Variants in CHD6 observed in about 807,000 individuals in gnomAD.
CHD6 encodes the protein chromodomain helicase DNA binding protein 6, also known as ATP-dependent chromatin remodeler CHD6.
Under a neutral mutation model 276.9 loss-of-function variants are expected in CHD6, and 50 were observed. The observed-to-expected ratio is 0.18, with a 90% confidence interval of 0.14 to 0.23. The LOEUF is 0.23. Ranked by LOEUF, CHD6 falls within the 10% of genes least tolerant of loss-of-function variation. The probability of loss-of-function intolerance (pLI) is 1.00; values close to 1 mark genes in which losing one functional copy is unlikely to be tolerated. For missense variants in CHD6, 2,564 were observed against 3,365.8 expected (o/e 0.76, Z 5.89); for synonymous variants, 1,173 against 1,229.3 (o/e 0.95, Z 0.96).
chr20:41,493,955 C>G lies in CHD6; in HGVS notation c.1093-11G>C. The G allele has an allele frequency of 6.2e-7, 1 of 1,605,910 alleles. No individual in the cohort carries two copies. On this transcript the variant is annotated splice_polypyrimidine_tract_variant and intron_variant, in intron 8 of 36. Coordinates refer to ENST00000373233, the MANE Select transcript of CHD6 (RefSeq NM_032221.5). ...CAAGTCTTCATCAGGCTAACACAAA[C>G]AGAGGAGAACAGTTAGGAAGTATGT...
At chr20:41,579,207 T>G (rs1300567548) in intron 1 of CHD6, among the ~76,000 whole-genome samples, 6 of 138,004 alleles carry the variant, frequency 4.3e-5, no homozygotes, top group Non-Finnish European at 6.1e-5. Context: ...GACGCCGAGG[T>G]GGGCTGATCA....
intron 1 of CHD6, among the ~76,000 whole-genome samples, chr20:41,561,680 C>T (rs946403659): frequency 6.6e-6 from 1 of 152,198 alleles, no homozygotes; most frequent in Admixed American, 6.5e-5. Context: ...TTAAGACCTT[C>T]ATGTCTGAAA....
chr20:41,429,648 CAG>C (rs2047472760), intron 27 of CHD6, among the ~76,000 whole-genome samples: 1 of 152,124 alleles, frequency 6.6e-6, no homozygotes, highest in Non-Finnish European at 1.5e-5. Context: ...AAAATTCTAT[CAG>C]AGAGGGGAAA....
chr20:41,507,540 A>G (rs1259608274), intron 5 of CHD6, among the ~76,000 whole-genome samples: 1 of 152,206 alleles, frequency 6.6e-6, no homozygotes, highest in African/African-American at 2.4e-5. Context: ...CGAAGTAGGA[A>G]GGGAGCTGGA....
At chr20:41,592,538 C>A (rs1170303246) in intron 1 of CHD6, among the ~76,000 whole-genome samples, 1 of 152,184 alleles carries the variant, frequency 6.6e-6, no homozygotes, top group African/African-American at 2.4e-5. Flanking sequence ...AACAATGACA[C>A]AATAGTAGTA....
At position 41,425,349 on chromosome 20, in the gene CHD6, G is replaced by C; in HGVS notation, c.4175C>G (p.Ser1392Cys). Residue 1392 changes from serine to cysteine, a missense_variant, in exon 29 of 37, where the codon TCC (serine) becomes TGC (cysteine). Transcript: ENST00000373233. Reference protein sequence around the residue: ...DPDKSPWPVSSALTARLRRLV... With the variant: ...DPDKSPWPVSCALTARLRRLV... ...ACGTCTGAGACGAGCTGTGAGGGCG[G>C]AGGAAACTGGCCAGGGCGATTTGTC... 6.2e-7 allele frequency: 1 copy of C among 1,614,202 alleles called. No homozygotes were observed. The highest frequency in any genetic ancestry group is 8.5e-7 in the Non-Finnish European group (1 of 1,180,030).
chr20:41,458,993 C>G (rs114541828), intron 17 of CHD6, among the ~76,000 whole-genome samples: 1 of 152,096 alleles, frequency 6.6e-6, no homozygotes, highest in Non-Finnish European at 1.5e-5. Context: ...GCTCCTGCCC[C>G]GTGATCTTGA....
At position 41,549,154 on chromosome 20, in the gene CHD6, A is replaced by G. The variant is rs941088641; in HGVS notation, c.33+2151T>C. On this transcript the variant is annotated intron_variant, in intron 2 of 36. Transcript: ENST00000373233. ...CATCCCATTACTGGGTATATACCCA[A>G]AGGATTATAAATCATGCTGCTATAA... Among the ~76,000 whole-genome samples, 1,059 of 151,902 alleles carry G rather than the reference A, an allele frequency of 7.0e-3. 13 individuals are homozygous for G. The highest frequency in any genetic ancestry group is 0.024 in the African/African-American group (999 of 41,446).
At chr20:41,484,744 G>A (rs2043372325) in intron 14 of CHD6, 137 bp from the exon 15 acceptor site, 2 of 884,294 alleles carry the variant, frequency 2.3e-6, no homozygotes, top group Middle Eastern at 2.3e-4. Context: ...GATTATGATC[G>A]ACCCCTGAAA....
chr20:41,410,989 G>C (rs1038246921), intron 36 of CHD6, among the ~76,000 whole-genome samples: 6 of 152,126 alleles, frequency 3.9e-5, no homozygotes, highest in African/African-American at 1.4e-4. Context: ...AAACAAAGGT[G>C]AACTAGCTCG....
chr20:41,504,239 C>T lies in CHD6; in HGVS notation c.853-4882G>A, dbSNP rs540649292. On this transcript the variant is annotated intron_variant, in intron 5 of 36. Transcript: ENST00000373233. ...CATTGATCTGTCTTCATAGTCACTC[C>T]TCTTCTGCTGCATCTAATCTACTTA... Among the ~76,000 whole-genome samples, 14 of 151,810 alleles carry T rather than the reference C, an allele frequency of 9.2e-5. 3 individuals carry two copies. The highest frequency in any genetic ancestry group is 3.4e-4 in the African/African-American group (14 of 41,372).
intron 16 of CHD6, among the ~76,000 whole-genome samples, chr20:41,479,473 A>C (rs370268883): frequency 1.3e-5 from 2 of 152,196 alleles, no homozygotes; most frequent in East Asian, 3.8e-4. Flanking sequence ...AGAACTTTTC[A>C]TAAGAAACCA....
chr20:41,510,302 A>G (rs1209446220), intron 5 of CHD6, among the ~76,000 whole-genome samples: 12 of 152,146 alleles, frequency 7.9e-5, no homozygotes, highest in African/African-American at 2.7e-4. Flanking sequence ...CAGTATGTAA[A>G]AACAGTTTTA....
chr20:41,498,779 GTGTATGTA>G lies in CHD6; in HGVS notation c.915+508_915+515del, dbSNP rs755113036. Among the ~76,000 whole-genome samples the G allele has an allele frequency of 7.6e-3, 1,107 of 145,698 alleles. 7 individuals are homozygous for G. Among genetic ancestry groups the G allele is most frequent in the Non-Finnish European group, 8.9e-3 (593 of 66,496 alleles). ...TTAGGACTCATATGGGTGTGTATGT[GTGTATGTA>G]TGTATGTATGTATGTATGTATGTAT... On this transcript the variant is annotated intron_variant, in intron 6 of 36. Transcript: ENST00000373233.
chr20:41,558,122 G>A (rs1406220416), intron 1 of CHD6, among the ~76,000 whole-genome samples: 1 of 152,140 alleles, frequency 6.6e-6, no homozygotes, highest in East Asian at 1.9e-4. Flanking sequence ...AGTCCAGTGG[G>A]TAAGAAATCC....
chr20:41,412,399 AG>A, intron 35 of CHD6, 136 bp from the exon 36 acceptor site: 1 of 947,188 alleles, frequency 1.1e-6, no homozygotes, highest in Non-Finnish European at 1.6e-6. Flanking sequence ...GTTAAACTAA[AG>A]GAAATAGCCA....
rs758587947 is a variant in CHD6 at position 41,420,469 on chromosome 20, T to C, written c.6127+39A>G. ...ACCCAACCCCCCGTCGTGTGTGAACTAGTTTATCCAAAATGCCACAAGATC... is the reference window on the plus strand; with the variant it reads ...ACCCAACCCCCCGTCGTGTGTGAACCAGTTTATCCAAAATGCCACAAGATC... On this transcript the variant is annotated intron_variant, in intron 31 of 36. Transcript: ENST00000373233. The C allele has an allele frequency of 9.0e-6, 14 of 1,558,920 alleles. No individual in the cohort carries two copies. The Admixed American group carries it at 2.5e-4, about 27-fold the overall frequency.
chr20:41,465,974 G>A (rs1372746987), intron 17 of CHD6, among the ~76,000 whole-genome samples: 3 of 152,182 alleles, frequency 2.0e-5, no homozygotes, highest in African/African-American at 7.2e-5. Flanking sequence ...GGAGGCTGAG[G>A]TGGGTGGATC....
chr20:41,557,539 C>T (rs2045254490), intron 1 of CHD6, among the ~76,000 whole-genome samples: 1 of 152,082 alleles, frequency 6.6e-6, no homozygotes, highest in Non-Finnish European at 1.5e-5. Flanking sequence ...ATCAGGTTCA[C>T]CCTATTCAAC....
Sources: allele counts gnomAD v4.1 joint callset (sites outside exome capture counted in the v4.1 genomes callset), GRCh38; gene constraint gnomAD v4.1.1; transcripts MANE v1.5; gene names NCBI Gene and HGNC (gene_info 2026-07-23, HGNC 2026-07-21).